Variants in CCSAP observed in about 807,000 individuals in gnomAD.
CCSAP encodes the protein centriole, cilia and spindle-associated protein.
A neutral mutation model predicts 25.9 loss-of-function variants in CCSAP; 17 were observed. The ratio of observed to expected loss-of-function variants is 0.66; its 90% CI spans 0.45 to 0.99. The LOEUF is 0.99. CCSAP is among the 50% of genes least tolerant of loss of function. CCSAP has a pLI of 0.00. For synonymous variants in CCSAP, 169 were observed against 157.1 expected, an observed-to-expected ratio of 1.08 and a Z score of -0.57; for missense variants, 339 against 367.8, an observed-to-expected ratio of 0.92 and a Z score of 0.64.
intron 2 of CCSAP, among the ~76,000 whole-genome samples, chr1:229,334,385 T>C (rs564190244): frequency 6.6e-6 from 1 of 152,278 alleles, no homozygotes; most frequent in South Asian, 2.1e-4. Flanking sequence ...AAAATCATAA[T>C]GAAAATTTGA....
intron 2 of CCSAP, among the ~76,000 whole-genome samples, chr1:229,341,680 CT>C (rs1045023319): frequency 3.3e-5 from 5 of 152,184 alleles, no homozygotes; most frequent in African/African-American, 1.2e-4. Flanking sequence ...AAGCTTAGCT[CT>C]GTGGTTCTTA....
chr1:229,340,798 A>C (rs1434439741), intron 2 of CCSAP, among the ~76,000 whole-genome samples: 2 of 152,238 alleles, frequency 1.3e-5, no homozygotes, highest in Non-Finnish European at 2.9e-5. Flanking sequence ...AGCCTCTCAC[A>C]GAGAAGCCAG....
At chr1:229,337,204 C>T (rs926932027) in intron 2 of CCSAP, among the ~76,000 whole-genome samples, 1 of 152,000 alleles carries the variant, frequency 6.6e-6, no homozygotes, top group Non-Finnish European at 1.5e-5. Context: ...AGGCACACCA[C>T]AAAATTTCAG....
Position 229,337,678 on chromosome 1 carries a change from A to AAATATATAT in CCSAP, c.367+4420_367+4421insATATATATT. Among the ~76,000 whole-genome samples, 75 of 65,506 alleles carry AAATATATAT rather than the reference A, an allele frequency of 1.1e-3. 2 individuals are homozygous for AAATATATAT. Among genetic ancestry groups the AAATATATAT allele is most frequent in the Non-Finnish European group, 1.1e-3 (36 of 32,492 alleles). The allele number at this position is 65,506 out of a possible 152,430, so 43.0% of individuals were successfully genotyped here. A position where few individuals can be genotyped will look rare whatever the true frequency, so the allele number is the denominator to read the frequency against. On this transcript the variant is annotated intron_variant, in intron 2 of 3. Coordinates refer to ENST00000284617, the MANE Select transcript of CCSAP (RefSeq NM_145257.5). The stretch of plus-strand genomic sequence containing the variant: ...GAACAAGATCAAAGGCTCAAAAAAA[A>AAATATATAT]ATATATATATATATATATATACACA...
intron 2 of CCSAP, 64 bp from the exon 3 acceptor site, chr1:229,327,070 T>G (rs1657957427): frequency 7.5e-7 from 1 of 1,332,764 alleles, no homozygotes. Context: ...AATTAAAATA[T>G]TTATGTTGAA....
chr1:229,328,086 T>C (rs916398871), intron 2 of CCSAP, among the ~76,000 whole-genome samples: 11 of 152,220 alleles, frequency 7.2e-5, no homozygotes, highest in African/African-American at 2.7e-4. Context: ...TTTATGATTT[T>C]CCTGTTTATT....
intron 2 of CCSAP, among the ~76,000 whole-genome samples, chr1:229,333,221 A>T (rs539636501): frequency 6.6e-6 from 1 of 151,860 alleles, no homozygotes; most frequent in South Asian, 2.1e-4. Flanking sequence ...TCACGAGGTC[A>T]GGAGATAGAG....
Position 229,322,875 on chromosome 1 carries a change from T to C in CCSAP, c.*2360A>G, listed in dbSNP as rs1339966370. The C allele has an allele frequency of 6.6e-6, 1 of 152,234 alleles. No homozygotes were observed. The highest frequency in any genetic ancestry group is 1.5e-5 in the Non-Finnish European group (1 of 68,034). 9.4% of individuals were successfully genotyped at this position (152,234 alleles called of 1,614,324 possible). A position where few individuals can be genotyped will look rare whatever the true frequency, so the allele number is the denominator to read the frequency against. On this transcript the variant is annotated 3_prime_UTR_variant, in exon 4 of 4. Transcript: ENST00000284617. ...TATGTAGCATTTATTTTAAATATCA[T>C]TGGGTTCTCTGTTTCAGACTTTTTC...
At chr1:229,328,944 T>G (rs1483414935) in intron 2 of CCSAP, among the ~76,000 whole-genome samples, 1 of 152,158 alleles carries the variant, frequency 6.6e-6, no homozygotes, top group East Asian at 1.9e-4. Flanking sequence ...AGCACTGGAG[T>G]TGCTGGGGAT....
chr1:229,328,302 T>C (rs2102692452), intron 2 of CCSAP, among the ~76,000 whole-genome samples: 1 of 152,206 alleles, frequency 6.6e-6, no homozygotes, highest in Non-Finnish European at 1.5e-5. Context: ...GATTTTATTT[T>C]TTTTGTTTCA....
intron 2 of CCSAP, among the ~76,000 whole-genome samples, chr1:229,331,462 A>G (rs1011119166): frequency 2.6e-5 from 4 of 152,200 alleles, no homozygotes; most frequent in African/African-American, 4.8e-5. Flanking sequence ...AGAAGTGTAT[A>G]TAAGTGTGGT....
intron 2 of CCSAP, chr1:229,327,264 T>C: frequency 2.8e-6 from 1 of 354,186 alleles, no homozygotes; most frequent in Non-Finnish European, 5.2e-6. Flanking sequence ...ACTCCGATTC[T>C]GAGACTTAGC....
intron 2 of CCSAP, 22 bp from the exon 3 acceptor site, chr1:229,327,028 G>A (rs1657956916): frequency 3.2e-6 from 5 of 1,560,896 alleles, no homozygotes; most frequent in Non-Finnish European, 4.3e-6. Context: ...AGATAAATGA[G>A]ATGAAAATAC....
At position 229,333,158 on chromosome 1, in the gene CCSAP, C is replaced by T. The variant is rs573417498; in HGVS notation, c.368-6152G>A. ...AACTTAAAAACATTTCTAGGCCGGG[C>T]GCGGTGGCTCACGCCTATAATCCCA... On this transcript the variant is annotated intron_variant, in intron 2 of 3. Transcript: ENST00000284617. 4.8e-4 allele frequency among the ~76,000 whole-genome samples: 73 copies of T among 152,290 alleles called. No homozygotes were observed. The South Asian group carries it at 0.01, about 22-fold the overall frequency.
rs1226317639 is a variant in CCSAP, at chr1:229,326,996, C to T, written c.378G>A (p.Val126=). ...GTTCAGGTTTATCTTCTACATCTTT[C>T]ACTGGCAGTGCTTTTGAAAAGAGAT... ...AEDAALPALP[V]KDVEDKPEQQ... Residue 126 remains valine (V), a synonymous_variant, in exon 3 of 4, where the codon GTG becomes GTA. Transcript: ENST00000284617. 1 of 1,605,084 alleles carries T rather than the reference C, an allele frequency of 6.2e-7. No homozygotes were observed. The highest frequency in any genetic ancestry group is 8.5e-7 in the Non-Finnish European group (1 of 1,174,408).
At chr1:229,339,057 T>C (rs1230988038) in intron 2 of CCSAP, among the ~76,000 whole-genome samples, 1 of 132,534 alleles carries the variant, frequency 7.5e-6, no homozygotes, top group Non-Finnish European at 1.6e-5. Flanking sequence ...TGATAAAGTC[T>C]AATATCCAAC....
chr1:229,333,747 T>C (rs916249568), intron 2 of CCSAP, among the ~76,000 whole-genome samples: 1 of 151,704 alleles, frequency 6.6e-6, no homozygotes, highest in African/African-American at 2.4e-5. Context: ...CAGGCATGGT[T>C]GTGTATGCCT....
chr1:229,338,400 A>G (rs1658250716), intron 2 of CCSAP, among the ~76,000 whole-genome samples: 1 of 152,194 alleles, frequency 6.6e-6, no homozygotes, highest in Non-Finnish European at 1.5e-5. Flanking sequence ...AAACTTTGCT[A>G]AAAATAAAAT....
chr1:229,327,057 T>G, intron 2 of CCSAP, 51 bp from the exon 3 acceptor site: 1 of 1,413,930 alleles, frequency 7.1e-7, no homozygotes, highest in Non-Finnish European at 9.5e-7. Context: ...CAGATTTATA[T>G]ATAATTAAAA....
Sources: allele counts gnomAD v4.1 joint callset (sites outside exome capture counted in the v4.1 genomes callset), GRCh38; gene constraint gnomAD v4.1.1; transcripts MANE v1.5; gene names NCBI Gene and HGNC (gene_info 2026-07-23, HGNC 2026-07-21).